The following TNFRSF19 variants were observed in gnomAD, a reference collection of about 807,000 sequenced individuals.
TNFRSF19 encodes the protein tumor necrosis factor receptor superfamily member 19.
In TNFRSF19, 27 loss-of-function variants were observed where a neutral mutation model predicts 46.4. The observed-to-expected ratio is 0.58, with a 90% CI of 0.43 to 0.80. TNFRSF19 has a LOEUF of 0.80. Ranked by LOEUF, TNFRSF19 falls within the 30% of genes least tolerant of loss-of-function variation. The pLI is 0.00. For missense variants in TNFRSF19, 511 were observed against 530.8 expected, an observed-to-expected ratio of 0.96 and a Z score of 0.37; for synonymous variants, 204 against 205.0, an observed-to-expected ratio of 1.00 and a Z score of 0.04.
chr13:23,572,375 A>C (rs1469832950), intron 1 of TNFRSF19, among the ~76,000 whole-genome samples: 3 of 152,136 alleles, frequency 2.0e-5, no homozygotes, highest in South Asian at 2.1e-4. Context: ...TTTTAATCAC[A>C]AAAGTGGTAT....
chr13:23,654,200 T>C (rs1234912363), intron 5 of TNFRSF19, among the ~76,000 whole-genome samples: 5 of 152,140 alleles, frequency 3.3e-5, no homozygotes, highest in African/African-American at 1.2e-4. Context: ...TTTTAAACAT[T>C]GCATAGTAGG....
At chr13:23,585,997 G>A (rs1424217120) in intron 1 of TNFRSF19, among the ~76,000 whole-genome samples, 3 of 152,116 alleles carry the variant, frequency 2.0e-5, no homozygotes, top group African/African-American at 7.2e-5. Context: ...GTAGCCGGGC[G>A]CGGTGGCTCA....
At chr13:23,575,022 G>A (rs146566616) in intron 1 of TNFRSF19, among the ~76,000 whole-genome samples, 6 of 152,204 alleles carry the variant, frequency 3.9e-5, no homozygotes, top group African/African-American at 1.4e-4. Context: ...TTTGAGAGGA[G>A]TTCTGATAAA....
chr13:23,674,639 A>C lies in TNFRSF19; in HGVS notation c.*1259A>C, dbSNP rs1951803289. 6.6e-6 allele frequency: 1 copy of C among 152,218 alleles called. No homozygotes were observed. Among genetic ancestry groups the C allele is most frequent in the South Asian group, 2.1e-4 (1 of 4,834 alleles). The allele number at this position is 152,218 out of a possible 1,614,324, so 9.4% of individuals were successfully genotyped here. A position where few individuals can be genotyped will look rare whatever the true frequency, so the allele number is the denominator to read the frequency against. ...TCAGTCACAAAGCAGGGAATGGTTCATTTACTCTTAATCTTTATGCCCTGG... is the reference window on the plus strand; with the variant it reads ...TCAGTCACAAAGCAGGGAATGGTTCCTTTACTCTTAATCTTTATGCCCTGG... On this transcript the variant is annotated 3_prime_UTR_variant, in exon 10 of 10. Transcript: ENST00000248484.
At chr13:23,655,398 G>A (rs9507137) in intron 5 of TNFRSF19, among the ~76,000 whole-genome samples, 34,971 of 152,134 alleles carry the variant, frequency 0.23, 4,799 homozygotes, top group Non-Finnish European at 0.31. Flanking sequence ...AACTTAATTG[G>A]TTAGAGTAAG....
rs1438420706 is a variant in TNFRSF19, at chr13:23,670,855, TAGG to T, written c.1245+1761_1245+1763del. ...AGTGCATCATCCGTGCCTCTCTTGT[TAGG>T]AGATCATCTGAAGAACTAGGGTTAC... On this transcript the variant is annotated intron_variant, in intron 9 of 9. Coordinates refer to ENST00000248484, the MANE Select transcript of TNFRSF19 (RefSeq NM_148957.4). Among the ~76,000 whole-genome samples the T allele has an allele frequency of 5.3e-5, 8 of 152,226 alleles. No individual in the cohort carries two copies. The East Asian group carries it at 7.7e-4, about 15-fold the overall frequency.
intron 5 of TNFRSF19, among the ~76,000 whole-genome samples, chr13:23,658,459 T>C (rs997633541): frequency 7.9e-5 from 12 of 152,156 alleles, no homozygotes; most frequent in Non-Finnish European, 1.8e-4. Context: ...TATGCCGGCC[T>C]TTCCATAGTG....
At chr13:23,584,635 A>G (rs1379813833) in intron 1 of TNFRSF19, among the ~76,000 whole-genome samples, 1 of 151,980 alleles carries the variant, frequency 6.6e-6, no homozygotes, top group Non-Finnish European at 1.5e-5. Flanking sequence ...TTTAAAAAAA[A>G]AAAAAAAAAA....
intron 4 of TNFRSF19, among the ~76,000 whole-genome samples, chr13:23,624,368 A>G (rs1208090221): frequency 6.6e-6 from 1 of 151,940 alleles, no homozygotes; most frequent in Non-Finnish European, 1.5e-5. Context: ...TTCCAAAAGG[A>G]GTAATTTTAT....
intron 1 of TNFRSF19, among the ~76,000 whole-genome samples, chr13:23,581,186 G>C (rs1449837941): frequency 6.7e-6 from 1 of 148,984 alleles, no homozygotes; most frequent in Non-Finnish European, 1.5e-5. Context: ...GGAGTGCAGT[G>C]GCGCTCTGCG....
At chr13:23,638,073 A>C (rs1385703465) in intron 5 of TNFRSF19, among the ~76,000 whole-genome samples, 1 of 152,002 alleles carries the variant, frequency 6.6e-6, no homozygotes, top group Admixed American at 6.5e-5. Flanking sequence ...AGGCCATAAT[A>C]ATGTGTTTCT....
At chr13:23,648,653 G>C (rs1366203499) in intron 5 of TNFRSF19, among the ~76,000 whole-genome samples, 1 of 152,152 alleles carries the variant, frequency 6.6e-6, no homozygotes, top group Admixed American at 6.5e-5. Context: ...GGGTATCCTT[G>C]TCTTCTTGAT....
intron 5 of TNFRSF19, among the ~76,000 whole-genome samples, chr13:23,636,731 G>A (rs1158805832): frequency 6.6e-6 from 1 of 152,162 alleles, no homozygotes; most frequent in Non-Finnish European, 1.5e-5. Context: ...ATCACGTAGG[G>A]CTCCTGGGCC....
At chr13:23,615,530 T>G (rs1022735932) in intron 3 of TNFRSF19, among the ~76,000 whole-genome samples, 4 of 152,170 alleles carry the variant, frequency 2.6e-5, no homozygotes, top group Non-Finnish European at 4.4e-5. Context: ...TGGCGTTAGC[T>G]TCTGAGCATG....
intron 3 of TNFRSF19, among the ~76,000 whole-genome samples, chr13:23,603,495 G>A (rs568228986): frequency 1.3e-5 from 2 of 152,006 alleles, no homozygotes; most frequent in East Asian, 3.9e-4. Context: ...TCACCCTAAT[G>A]CCTAAACCAA....
chr13:23,570,842 T>C lies in TNFRSF19; in HGVS notation c.-41T>C, dbSNP rs1877593575. On this transcript the variant is annotated 5_prime_UTR_variant, in exon 1 of 10. Transcript: ENST00000248484. ...GTGCTGCCAGGAGAAACTAAGTTGC[T>C]GAACGGGTAAGTACTGCAAAGAGCT... The C allele has an allele frequency of 6.6e-6, 1 of 152,272 alleles. No individual in the cohort carries two copies. The highest frequency in any genetic ancestry group is 1.5e-5 in the Non-Finnish European group (1 of 68,062). 9.4% of individuals were successfully genotyped at this position (152,272 alleles called of 1,614,324 possible).
chr13:23,602,273 A>T (rs1639451378), intron 3 of TNFRSF19, among the ~76,000 whole-genome samples: 1 of 152,184 alleles, frequency 6.6e-6, no homozygotes, highest in African/African-American at 2.4e-5. Flanking sequence ...AGGGATAAAG[A>T]TGGACATCAT....
chr13:23,594,250 C>G (rs371675564), intron 3 of TNFRSF19: 2 of 452,636 alleles, frequency 4.4e-6, no homozygotes, highest in Admixed American at 2.4e-5. Context: ...ACCAGCGAGA[C>G]AGAACCATTC....
intron 4 of TNFRSF19, among the ~76,000 whole-genome samples, chr13:23,624,405 T>A (rs1046682266): frequency 6.6e-6 from 1 of 152,142 alleles, no homozygotes; most frequent in African/African-American, 2.4e-5. Context: ...GTCACTGTAT[T>A]ATATATCCTT....
Sources: gnomAD v4.1 joint callset for allele counts (sites outside exome capture counted in the v4.1 genomes callset) on GRCh38, gnomAD v4.1.1 for gene constraint, MANE v1.5 for transcripts, NCBI Gene and HGNC (gene_info 2026-07-23, HGNC 2026-07-21) for gene names.